KIF16B: variants seen among roughly 807,000 people sequenced by gnomAD.
KIF16B encodes kinesin-like protein KIF16B.
In KIF16B, 98 loss-of-function variants were observed where a neutral mutation model predicts 156.3. The ratio of observed to expected loss-of-function variants is 0.63; its 90% CI spans 0.53 to 0.74. KIF16B has a LOEUF of 0.74. KIF16B is among the 30% of genes least tolerant of loss of function. The probability of loss-of-function intolerance (pLI) is 0.00; values close to 1 mark genes in which losing one functional copy is unlikely to be tolerated. For synonymous variants in KIF16B, 564 were observed against 583.7 expected, an observed-to-expected ratio of 0.97 and a Z score of 0.49; for missense variants, 1,421 against 1,606.5, an observed-to-expected ratio of 0.88 and a Z score of 1.97.
chr20:16,278,216 T>C (rs1248416537), intron 25 of KIF16B, among the ~76,000 whole-genome samples: 1 of 150,674 alleles, frequency 6.6e-6, no homozygotes, highest in Non-Finnish European at 1.5e-5. Context: ...GGGGGCTGTC[T>C]AGGGGAGGAC....
At chr20:16,519,231 C>T (rs1362187618) in intron 3 of KIF16B, among the ~76,000 whole-genome samples, 1 of 152,136 alleles carries the variant, frequency 6.6e-6, no homozygotes, top group Non-Finnish European at 1.5e-5. Context: ...TCAGACCAGG[C>T]ACCACCTCTC....
chr20:16,275,586 A>G (rs2063048815), intron 25 of KIF16B, among the ~76,000 whole-genome samples: 1 of 152,164 alleles, frequency 6.6e-6, no homozygotes, highest in South Asian at 2.1e-4. Flanking sequence ...TAGAGAGAAG[A>G]CTTGAAAGCA....
At chr20:16,347,930 G>A (rs1310858607) in intron 23 of KIF16B, among the ~76,000 whole-genome samples, 1 of 152,152 alleles carries the variant, frequency 6.6e-6, no homozygotes, top group Non-Finnish European at 1.5e-5. Context: ...CTAATAGACT[G>A]GAATGGCTCT....
intron 25 of KIF16B, among the ~76,000 whole-genome samples, chr20:16,298,139 G>C (rs2063418699): frequency 6.6e-6 from 1 of 152,168 alleles, no homozygotes; most frequent in African/African-American, 2.4e-5. Flanking sequence ...TCCCACCCTA[G>C]TCCTGGTGAA....
intron 1 of KIF16B, among the ~76,000 whole-genome samples, chr20:16,564,073 A>G (rs1321028566): frequency 6.6e-6 from 1 of 150,862 alleles, no homozygotes; most frequent in East Asian, 1.9e-4. Context: ...AAAAGAGACA[A>G]ACAAAAAAAT....
chr20:16,403,190 C>T (rs749736542), intron 17 of KIF16B, among the ~76,000 whole-genome samples: 1 of 152,182 alleles, frequency 6.6e-6, no homozygotes, highest in Non-Finnish European at 1.5e-5. Context: ...GAGACAAAAC[C>T]AAGCCAGCAC....
chr20:16,545,233 T>C (rs2223906), intron 1 of KIF16B, among the ~76,000 whole-genome samples: 1 of 151,946 alleles, frequency 6.6e-6, no homozygotes, highest in African/African-American at 2.4e-5. Flanking sequence ...TACTCATTTT[T>C]AAAAATGGAA....
chr20:16,424,002 G>A (rs545186943), intron 15 of KIF16B, among the ~76,000 whole-genome samples: 41 of 152,142 alleles, frequency 2.7e-4, no homozygotes, highest in South Asian at 8.3e-4. Flanking sequence ...TGGGCTAAAG[G>A]CAGAGACAGC....
intron 12 of KIF16B, among the ~76,000 whole-genome samples, chr20:16,447,451 A>T (rs999695062): frequency 3.3e-5 from 5 of 152,150 alleles, no homozygotes; most frequent in Non-Finnish European, 7.4e-5. Flanking sequence ...AAGGTGTGAC[A>T]GAAACTTATA....
intron 3 of KIF16B, among the ~76,000 whole-genome samples, chr20:16,518,193 A>G (rs1322803713): frequency 6.6e-6 from 1 of 152,084 alleles, no homozygotes; most frequent in Non-Finnish European, 1.5e-5. Context: ...TGGCGCTATG[A>G]CCTGGAAAAG....
chr20:16,354,477 T>TAC (rs10567864), intron 23 of KIF16B, among the ~76,000 whole-genome samples: 10,333 of 148,646 alleles, frequency 0.07, 430 homozygotes, highest in African/African-American at 0.11. Context: ...AATGGAATTC[T>TAC]ACACACACAC....
intron 25 of KIF16B, among the ~76,000 whole-genome samples, chr20:16,279,171 C>T (rs951329278): frequency 1.3e-5 from 2 of 152,094 alleles, no homozygotes; most frequent in Admixed American, 1.3e-4. Flanking sequence ...CACCTTTCCC[C>T]TCTCTGGGAA....
chr20:16,415,704 C>G (rs2066068789), intron 15 of KIF16B, among the ~76,000 whole-genome samples: 1 of 152,150 alleles, frequency 6.6e-6, no homozygotes, highest in Non-Finnish European at 1.5e-5. Context: ...CACACTTTGG[C>G]TGAAGAGCAT....
intron 23 of KIF16B, among the ~76,000 whole-genome samples, chr20:16,352,158 G>T (rs2064350189): frequency 6.6e-6 from 1 of 152,178 alleles, no homozygotes; most frequent in South Asian, 2.1e-4. Context: ...CTTCTGGAGG[G>T]CCTGCAAAGT....
chr20:16,526,524 T>A (rs577938462), intron 2 of KIF16B, among the ~76,000 whole-genome samples: 2 of 152,276 alleles, frequency 1.3e-5, no homozygotes, highest in Non-Finnish European at 1.5e-5. Context: ...GAGTTGGGCT[T>A]TGCACAACTA....
intron 12 of KIF16B, among the ~76,000 whole-genome samples, chr20:16,431,149 G>A (rs144395179): frequency 1.3e-3 from 195 of 151,930 alleles, no homozygotes; most frequent in African/African-American, 4.4e-3. Context: ...CAAGCCACCC[G>A]CAGCACGTGC....
At chr20:16,333,224 T>C (rs2063979869) in intron 24 of KIF16B, among the ~76,000 whole-genome samples, 1 of 152,130 alleles carries the variant, frequency 6.6e-6, no homozygotes, top group Non-Finnish European at 1.5e-5. Flanking sequence ...TGTACCCACC[T>C]CCAGATTTTC....
intron 12 of KIF16B, among the ~76,000 whole-genome samples, chr20:16,434,987 G>A (rs952424639): frequency 1.3e-5 from 2 of 151,628 alleles, no homozygotes; most frequent in African/African-American, 4.8e-5. Context: ...CCAGAAAGAC[G>A]TTGAAAAAAA....
chr20:16,459,014 T>C (rs1359829472), intron 12 of KIF16B, among the ~76,000 whole-genome samples: 9 of 152,220 alleles, frequency 5.9e-5, no homozygotes, highest in East Asian at 3.8e-4. Flanking sequence ...CCCAAGTCTT[T>C]TAGAACTTGC....
Sources: allele counts gnomAD v4.1 joint callset (sites outside exome capture counted in the v4.1 genomes callset), GRCh38; gene constraint gnomAD v4.1.1; transcripts MANE v1.5; gene names NCBI Gene and HGNC (gene_info 2026-07-23, HGNC 2026-07-21).